The following ARID1B variants were observed in gnomAD, a reference collection of about 807,000 sequenced individuals.
ARID1B encodes AT-rich interactive domain-containing protein 1B.
A neutral mutation model predicts 212.3 loss-of-function variants in ARID1B; 30 were observed. The observed-to-expected ratio is 0.14, with a 90% CI of 0.11 to 0.19. The LOEUF is 0.19. ARID1B is among the 10% of genes least tolerant of loss of function. The probability of loss-of-function intolerance (pLI) is 1.00; values close to 1 mark genes in which losing one functional copy is unlikely to be tolerated. For synonymous variants in ARID1B, 1,402 were observed against 1,301.7 expected, an observed-to-expected ratio of 1.08 and a Z score of -1.66; for missense variants, 2,891 against 3,204.0, an observed-to-expected ratio of 0.90 and a Z score of 2.36.
intron 6 of ARID1B, among the ~76,000 whole-genome samples, chr6:157,129,521 A>C (rs1788385015): frequency 2.6e-5 from 4 of 152,262 alleles, no homozygotes; most frequent in Admixed American, 2.6e-4. Context: ...TGCAAAAGTA[A>C]ATAATACAAA....
intron 2 of ARID1B, among the ~76,000 whole-genome samples, chr6:156,888,709 T>G (rs796460709): frequency 2.0e-5 from 3 of 152,302 alleles, no homozygotes; most frequent in Admixed American, 6.5e-5. Context: ...AGCTCAGGCC[T>G]TTTTATTTTC....
At chr6:156,997,090 T>C (rs1778637484) in intron 4 of ARID1B, among the ~76,000 whole-genome samples, 1 of 152,218 alleles carries the variant, frequency 6.6e-6, no homozygotes, top group Non-Finnish European at 1.5e-5. Flanking sequence ...TTTAAACATA[T>C]TATTTTCACA....
chr6:156,906,788 T>C (rs1423683950), intron 3 of ARID1B, among the ~76,000 whole-genome samples: 1 of 152,150 alleles, frequency 6.6e-6, no homozygotes, highest in Non-Finnish European at 1.5e-5. Flanking sequence ...ATCTCTCCAT[T>C]TGTTGAGGTA....
intron 1 of ARID1B, among the ~76,000 whole-genome samples, chr6:156,792,348 A>G (rs1304920696): frequency 6.6e-6 from 1 of 152,160 alleles, no homozygotes; most frequent in East Asian, 1.9e-4. Context: ...CAACACCTGT[A>G]ATCCTAGCTC....
intron 1 of ARID1B, among the ~76,000 whole-genome samples, chr6:156,820,779 A>T (rs1782297576): frequency 6.6e-6 from 1 of 152,218 alleles, no homozygotes; most frequent in African/African-American, 2.4e-5. Flanking sequence ...ATATTAGAAA[A>T]GATGTAGGAA....
At position 157,038,505 on chromosome 6, in the gene ARID1B, T is replaced by G. The variant is rs532955856; in HGVS notation, c.2248-46157T>G. ...TGTAGCACAATTTTACATTCATAAA[T>G]ATATGAAGAAAATTAAATTAATACT... On this transcript the variant is annotated intron_variant, in intron 4 of 19. Coordinates refer to ENST00000636930, the MANE Select transcript of ARID1B (RefSeq NM_001374828.1). 4.6e-5 allele frequency among the ~76,000 whole-genome samples: 7 copies of G among 152,276 alleles called. No homozygotes were observed. In the South Asian group the frequency reaches 1.4e-3, roughly 32 times the overall value.
rs1239085300 is a variant in ARID1B at position 157,207,859 on chromosome 6, T to G, written c.7087T>G (p.Cys2363Gly). Residue 2363 changes from cysteine (C) to glycine (G), a missense_variant, in exon 20 of 20, where the codon TGT (cysteine) becomes GGT (glycine). By Grantham distance (159) the Cys-to-Gly change is radical. Coordinates refer to ENST00000636930, the MANE Select transcript of ARID1B (RefSeq NM_001374828.1). This position sits in a 1 kb window ranked among gnomAD's most constrained non-coding sequence, Gnocchi z 8.5. ...VLNSLVASVI[C>G]DVLFQIGQL ...GAACTCTCTGGTTGCATCTGTCATC[T>G]GTGATGTACTGTTTCAGATTGGGCA... 4.0e-6 allele frequency: 6 copies of G among 1,508,204 alleles called. No homozygotes were observed. In the African/African-American group the frequency reaches 5.6e-5, roughly 14 times the overall value. The allele number at this position is 1,508,204 out of a possible 1,614,324, so 93.4% of individuals were successfully genotyped here. A position where few individuals can be genotyped will look rare whatever the true frequency, so the allele number is the denominator to read the frequency against.
At chr6:156,898,566 G>T (rs1162810553) in intron 2 of ARID1B, among the ~76,000 whole-genome samples, 1 of 152,186 alleles carries the variant, frequency 6.6e-6, no homozygotes, top group Admixed American at 6.5e-5. Flanking sequence ...GCAGGCTGTT[G>T]ATTTGTGTTT....
At chr6:157,009,041 C>A (rs1779408803) in intron 4 of ARID1B, among the ~76,000 whole-genome samples, 1 of 152,198 alleles carries the variant, frequency 6.6e-6, no homozygotes, top group Admixed American at 6.5e-5. Context: ...TAATCGGCTT[C>A]TTTGTAAATA....
At chr6:156,929,342 T>G (rs1199874017) in intron 3 of ARID1B, among the ~76,000 whole-genome samples, 1 of 152,164 alleles carries the variant, frequency 6.6e-6, no homozygotes, top group African/African-American at 2.4e-5. Context: ...ACACAGAAAG[T>G]GGAGGGAGGT....
intron 8 of ARID1B, among the ~76,000 whole-genome samples, chr6:157,156,235 T>C (rs1380852183): frequency 4.6e-5 from 7 of 152,326 alleles, no homozygotes; most frequent in African/African-American, 1.7e-4. Context: ...TTTAACATAA[T>C]AGCTATGATT....
chr6:157,007,503 G>A (rs1336957373), intron 4 of ARID1B, among the ~76,000 whole-genome samples: 1 of 152,122 alleles, frequency 6.6e-6, no homozygotes, highest in African/African-American at 2.4e-5. Context: ...TTAATTTAAA[G>A]CGAACCATTT....
intron 6 of ARID1B, among the ~76,000 whole-genome samples, chr6:157,117,704 C>T (rs1787415881): frequency 6.6e-6 from 1 of 152,200 alleles, no homozygotes; most frequent in South Asian, 2.1e-4. Context: ...CACAAGACAA[C>T]CGAACTAGAA....
At chr6:156,985,082 G>A (rs1042103835) in intron 4 of ARID1B, 14 of 152,142 alleles carry the variant, frequency 9.2e-5, no homozygotes, top group Non-Finnish European at 1.9e-4. Flanking sequence ...TATTTTTAAA[G>A]TTCTTACAGA....
intron 3 of ARID1B, among the ~76,000 whole-genome samples, chr6:156,916,053 CT>C (rs1439297317): frequency 6.6e-6 from 1 of 151,204 alleles, no homozygotes; most frequent in Non-Finnish European, 1.5e-5. Context: ...GAGGATTTAA[CT>C]GTTTTCTGAG....
At chr6:156,947,756 A>G (rs1349211082) in intron 4 of ARID1B, among the ~76,000 whole-genome samples, 3 of 152,200 alleles carry the variant, frequency 2.0e-5, no homozygotes, top group Non-Finnish European at 4.4e-5. Flanking sequence ...GGATGAAGGG[A>G]AAAACTTTTG....
intron 2 of ARID1B, among the ~76,000 whole-genome samples, chr6:156,896,290 C>T (rs1016287998): frequency 5.9e-5 from 9 of 152,106 alleles, no homozygotes; most frequent in African/African-American, 2.2e-4. Context: ...CTCTAAACTT[C>T]TTTAGGCCAG....
intron 4 of ARID1B, among the ~76,000 whole-genome samples, chr6:157,033,565 GT>G (rs1317919601): frequency 6.6e-6 from 1 of 152,092 alleles, no homozygotes; most frequent in Non-Finnish European, 1.5e-5. Context: ...AGGAATTCTT[GT>G]TTTCCCAATT....
At chr6:157,110,385 T>C (rs1441804668) in intron 5 of ARID1B, 87 bp from the exon 6 acceptor site, 2 of 1,154,402 alleles carry the variant, frequency 1.7e-6, no homozygotes, top group Non-Finnish European at 2.6e-6. Flanking sequence ...TCATAAAAAT[T>C]AAATGTGGCT....
Sources: allele counts gnomAD v4.1 joint callset (sites outside exome capture counted in the v4.1 genomes callset), GRCh38; gene constraint gnomAD v4.1.1; non-coding constraint Gnocchi (gnomAD v3.1); transcripts MANE v1.5; gene names NCBI Gene and HGNC (gene_info 2026-07-23, HGNC 2026-07-21).